SMTN: variants seen among roughly 807,000 people sequenced by gnomAD.
SMTN encodes smoothelin.
Under a neutral mutation model 102.0 loss-of-function variants are expected in SMTN, and 58 were observed. The ratio of observed to expected loss-of-function variants is 0.57; its 90% CI spans 0.46 to 0.71. SMTN has a LOEUF of 0.71. Among genes scored for constraint, SMTN ranks in the 30% least tolerant of loss-of-function variants. The pLI is 0.00. For missense variants in SMTN, 1,185 were observed against 1,241.7 expected (o/e 0.95, Z 0.69); for synonymous variants, 478 against 497.9 (o/e 0.96, Z 0.53).
intron 1 of SMTN, among the ~76,000 whole-genome samples, chr22:31,074,799 AAAC>A (rs1171554608): frequency 6.7e-6 from 1 of 149,708 alleles, no homozygotes; most frequent in East Asian, 1.9e-4. Context: ...CTGTCTCAAA[AAAC>A]AACAAAAACA....
chr22:31,096,014 C>T (rs757420851), intron 13 of SMTN: 3 of 282,478 alleles, frequency 1.1e-5, no homozygotes, highest in Non-Finnish European at 2.0e-5. Flanking sequence ...ATCCAGCTTC[C>T]CTTTTCCTGG....
chr22:31,099,218 A>T, intron 18 of SMTN, 39 bp downstream of exon 18: 6 of 1,356,212 alleles, frequency 4.4e-6, no homozygotes, highest in Non-Finnish European at 6.3e-6. Flanking sequence ...AGGCCTCCCC[A>T]GACCCCAGCT....
rs2043142755 is a variant in SMTN, at chr22:31,091,656, C to A, written c.1460-19C>A. ...CACTCCACCTGATCCTCCTGACAGCCACCTTTCTCCCCACTCAGAACTGAC... is the reference window on the plus strand; with the variant it reads ...CACTCCACCTGATCCTCCTGACAGCAACCTTTCTCCCCACTCAGAACTGAC... On this transcript the variant is annotated intron_variant, in intron 10 of 20. Coordinates refer to ENST00000333137, the MANE Select transcript of SMTN (RefSeq NM_134269.3). The A allele has an allele frequency of 1.3e-6, 2 of 1,566,844 alleles. No individual in the cohort carries two copies. Among genetic ancestry groups the A allele is most frequent in the African/African-American group, 1.4e-5 (1 of 73,904 alleles).
In SMTN at chr22:31,096,781, G is replaced by A. The variant is rs777851029; in HGVS notation, c.1910G>A (p.Arg637Gln). 1.2e-5 allele frequency: 18 copies of A among 1,563,378 alleles called. No individual in the cohort carries two copies. Among genetic ancestry groups the A allele is most frequent in the South Asian group, 4.8e-5 (4 of 83,166 alleles). The change falls in exon 14 of 21, where the codon CGG (arginine) becomes CAG (glutamine). Residue 637 changes from arginine (R) to glutamine (Q), a missense_variant. This residue lies in a region of SMTN where 1,096 missense variants were observed against 1,112.7 expected (regional missense o/e 0.98). Transcript: ENST00000333137. ...RERRLQEARG[R>Q]PGEGRGNTAT... ...CGGCGGCTGCAGGAGGCACGGGGCC[G>A]GCCAGGGGAGGGGCGCGGCAACACA...
chr22:31,097,219 C>T, intron 15 of SMTN, 50 bp from the exon 16 acceptor site: 1 of 1,588,088 alleles, frequency 6.3e-7, no homozygotes, highest in African/African-American at 1.3e-5. Context: ...ATCCCATCTC[C>T]TGATGTCCAG....
chr22:31,100,096 G>A (rs971490796), intron 19 of SMTN, among the ~76,000 whole-genome samples, 200 bp downstream of exon 19: 18 of 151,130 alleles, frequency 1.2e-4, no homozygotes, highest in Non-Finnish European at 2.2e-4. Context: ...CCGCCGGAAC[G>A]AAGGAGCCGC....
In SMTN at chr22:31,091,214, AC is replaced by A. The variant is rs753549803; in HGVS notation, c.1192del (p.Arg398GlufsTer3). The A allele has an allele frequency of 1.2e-6, 2 of 1,611,974 alleles. No homozygotes were observed. Among genetic ancestry groups the A allele is most frequent in the Admixed American group, 3.3e-5 (2 of 59,720 alleles). ...DTSSRFSKEQ[R>X]GVAQPLAQLR... Reference sequence around the variant, plus strand: ...CCTCCTCCCGGTTCAGCAAGGAGCAACGAGGAGTAGCCCAGCCCCTGGCCCA... The same window carrying A: ...CCTCCTCCCGGTTCAGCAAGGAGCAAGAGGAGTAGCCCAGCCCCTGGCCCA... On this transcript the variant is annotated frameshift_variant, in exon 10 of 21. Transcript: ENST00000333137. LOFTEE classifies it high-confidence loss of function.
chr22:31,095,691 A>G lies in SMTN; in HGVS notation c.1861+82A>G. 1 of 1,275,722 alleles carries G rather than the reference A, an allele frequency of 7.8e-7. No individual in the cohort carries two copies. Among genetic ancestry groups the G allele is most frequent in the Non-Finnish European group, 1.1e-6 (1 of 907,636 alleles). 79.0% of individuals were successfully genotyped at this position (1,275,722 alleles called of 1,614,324 possible). ...CTCATACTCTGGGGTCCATTTGTGG[A>G]CACCCCAGCTTAATAACTGCCCTAC... On this transcript the variant is annotated intron_variant, in intron 13 of 20. Coordinates refer to ENST00000333137, the MANE Select transcript of SMTN (RefSeq NM_134269.3). The surrounding 1 kb of genome is among the most constrained non-coding windows in gnomAD (Gnocchi z 4.1).
rs767191193 is a variant in SMTN, at chr22:31,090,823, G to C, written c.881G>C (p.Arg294Pro). Residue 294 changes from arginine to proline, a missense_variant, in exon 9 of 21, where the codon CGA becomes CCA. By Grantham distance (103) the Arg-to-Pro change is moderately radical. This residue lies in a region of SMTN where 1,096 missense variants were observed against 1,112.7 expected (regional missense o/e 0.98). Transcript: ENST00000333137. ...AACCTGCCAGACGTGGCTGGACCCC[G>C]ACCCTGCCAACGCTCCCTGTCGGTG... ...DTKRADVAGP[R>P]PCQRSLSVLS... 1.2e-6 allele frequency: 2 copies of C among 1,613,614 alleles called. No individual in the cohort carries two copies. The highest frequency in any genetic ancestry group is 1.7e-6 in the Non-Finnish European group (2 of 1,179,814).
In SMTN at chr22:31,086,487, CG is replaced by C. The variant is rs200918579; in HGVS notation, c.52-1474del. On this transcript the variant is annotated intron_variant, in intron 2 of 20. Transcript: ENST00000333137. ...CTCTCCATAAATGTTACTGATGCCT[CG>C]GGGTATCCTGCCCTTCCCATTTGCC... Among the ~76,000 whole-genome samples, 1,107 of 152,276 alleles carry C rather than the reference CG, an allele frequency of 7.3e-3. 44 individuals are homozygous for C. Among genetic ancestry groups the C allele is most frequent in the Admixed American group, 0.06 (921 of 15,296 alleles).
upstream of SMTN, among the ~76,000 whole-genome samples, chr22:31,079,615 G>C (rs2042218373): frequency 6.6e-6 from 1 of 152,238 alleles, no homozygotes; most frequent in Non-Finnish European, 1.5e-5. Flanking sequence ...ATTGGTCTTA[G>C]AGGGCGCCTG....
chr22:31,089,030 G>A (rs906512858), intron 6 of SMTN, 61 bp downstream of exon 6: 24 of 1,366,470 alleles, frequency 1.8e-5, no homozygotes, highest in Non-Finnish European at 3.1e-6. Flanking sequence ...AGCACAGAGT[G>A]CCTGAGTGTC....
chr22:31,097,554 A>C (rs1165094024), intron 16 of SMTN, among the ~76,000 whole-genome samples: 2 of 151,840 alleles, frequency 1.3e-5, no homozygotes, highest in Non-Finnish European at 2.9e-5. Flanking sequence ...AAATACAAAA[A>C]TTAGCCGGGC....
rs551860050 is a variant in SMTN at position 31,104,347 on chromosome 22, G to A, written c.*52G>A. ...GGTGGACTGTGTGCCCCTGGTGGAG[G>A]TGGACGACATGATGATCATGGGCAA... On this transcript the variant is annotated 3_prime_UTR_variant, in exon 21 of 21. Coordinates refer to ENST00000333137, the MANE Select transcript of SMTN (RefSeq NM_134269.3). 27 of 1,614,220 alleles carry A rather than the reference G, an allele frequency of 1.7e-5. No individual in the cohort carries two copies. The highest frequency in any genetic ancestry group is 2.2e-5 in the East Asian group (1 of 44,876).
upstream of SMTN, among the ~76,000 whole-genome samples, chr22:31,077,744 C>A (rs2042164868): frequency 6.6e-6 from 1 of 152,224 alleles, no homozygotes; most frequent in African/African-American, 2.4e-5. Flanking sequence ...GCCCAGTGGG[C>A]ATCTGAGGCC....
chr22:31,095,630 C>T lies in SMTN; in HGVS notation c.1861+21C>T, dbSNP rs1001961948. On this transcript the variant is annotated intron_variant, in intron 13 of 20. Coordinates refer to ENST00000333137, the MANE Select transcript of SMTN (RefSeq NM_134269.3). This position sits in a 1 kb window ranked among gnomAD's most constrained non-coding sequence, Gnocchi z 4.1. ...GAGAGGTAGAGAGCCAGTTGCCCTA[C>T]CCTAGATCCAGCTGCCCCATTCCCC... The T allele has an allele frequency of 2.5e-6, 4 of 1,599,270 alleles. No individual in the cohort carries two copies. Among genetic ancestry groups the T allele is most frequent in the Non-Finnish European group, 3.4e-6 (4 of 1,172,028 alleles).
chr22:31,093,691 C>A, intron 11 of SMTN: 1 of 953,036 alleles, frequency 1.0e-6, no homozygotes. Context: ...GCTGAGCCTA[C>A]GGCTGGGGGT....
chr22:31,068,693 G>C (rs1425026124), intron 1 of SMTN, among the ~76,000 whole-genome samples: 5 of 152,186 alleles, frequency 3.3e-5, no homozygotes, highest in South Asian at 2.1e-4. Context: ...ATCCTTTCTA[G>C]GTCCTGGGGA....
At chr22:31,089,675 T>C (rs1173553496) in intron 6 of SMTN, 24 bp from the exon 7 acceptor site, 1 of 1,579,838 alleles carries the variant, frequency 6.3e-7, no homozygotes. Context: ...GGAGCCTTGG[T>C]TGCATCCTGT....
Sources: allele counts gnomAD v4.1 joint callset (sites outside exome capture counted in the v4.1 genomes callset), GRCh38; gene constraint gnomAD v4.1.1; regional missense constraint gnomAD v4.1.1; non-coding constraint Gnocchi (gnomAD v3.1); transcripts MANE v1.5; gene names NCBI Gene and HGNC (gene_info 2026-07-23, HGNC 2026-07-21).